The following FGD5 variants were observed in gnomAD, a reference collection of about 807,000 sequenced individuals.
The protein encoded by FGD5 is FYVE, RhoGEF and PH domain containing 5, also known as FYVE, RhoGEF and PH domain-containing protein 5.
Under a neutral mutation model 133.4 loss-of-function variants are expected in FGD5, and 28 were observed. The observed-to-expected ratio is 0.21, with a 90% CI of 0.16 to 0.29. The LOEUF is 0.29. FGD5 is among the 10% of genes least tolerant of loss of function. The pLI, the probability that FGD5 is intolerant of heterozygous loss-of-function variation, is 1.00. For missense variants in FGD5, 1,858 were observed against 1,895.2 expected, an observed-to-expected ratio of 0.98 and a Z score of 0.36; for synonymous variants, 810 against 776.5, an observed-to-expected ratio of 1.04 and a Z score of -0.72.
chr3:14,839,042 A>G (rs2036867976), intron 1 of FGD5, among the ~76,000 whole-genome samples: 1 of 152,246 alleles, frequency 6.6e-6, no homozygotes, highest in South Asian at 2.1e-4. Context: ...GAAATGCAGC[A>G]GAAGGGATCT....
intron 2 of FGD5, 22 bp from the exon 3 acceptor site, chr3:14,880,550 A>C: frequency 2.5e-6 from 4 of 1,612,362 alleles, no homozygotes; most frequent in Non-Finnish European, 3.4e-6. Flanking sequence ...GTCCCACCTG[A>C]TTGCTCTCTT....
intron 4 of FGD5, among the ~76,000 whole-genome samples, chr3:14,896,008 A>C (rs958421028): frequency 3.9e-5 from 6 of 152,226 alleles, no homozygotes; most frequent in Non-Finnish European, 5.9e-5. Context: ...TCTAAAAAAG[A>C]AATCAAGAAA....
At chr3:14,872,757 A>C (rs560963649) in intron 2 of FGD5, among the ~76,000 whole-genome samples, 2 of 152,364 alleles carry the variant, frequency 1.3e-5, no homozygotes, top group South Asian at 4.1e-4. Context: ...AGCCAGAGCC[A>C]GTCCATGGTG....
chr3:14,820,675 G>A lies in FGD5; in HGVS notation c.1604G>A (p.Arg535Lys). The change falls in exon 1 of 20, where the codon AGG becomes AAG. Residue 535 changes from arginine to lysine, a missense_variant. Arg to Lys is a conservative substitution (Grantham distance 26). This residue lies in a region of FGD5 where 1,824 missense variants were observed against 1,848.9 expected (regional missense o/e 0.99). Transcript: ENST00000285046. ...GAGGGGAAGCCCTTGGAAGCCAGCA[G>A]GGCCTTGCCAGCAAAGCCCAGGGCC... ...SLEGKPLEAS[R>K]ALPAKPRAFT... 1 of 1,593,822 alleles carries A rather than the reference G, an allele frequency of 6.3e-7. No individual in the cohort carries two copies. Among genetic ancestry groups the A allele is most frequent in the South Asian group, 1.1e-5 (1 of 87,354 alleles).
chr3:14,877,521 C>T (rs1039153913), intron 2 of FGD5, among the ~76,000 whole-genome samples: 7 of 152,234 alleles, frequency 4.6e-5, no homozygotes, highest in African/African-American at 7.2e-5. Context: ...AGGATAGGAA[C>T]GCCCACCTGT....
intron 1 of FGD5, chr3:14,810,886 C>A (rs1226079887): frequency 3.9e-5 from 38 of 985,192 alleles, no homozygotes; most frequent in Non-Finnish European, 4.2e-5. Context: ...CGGCGACCTC[C>A]GGCGCCGAGG....
chr3:14,883,715 A>G (rs1263531519), intron 4 of FGD5, among the ~76,000 whole-genome samples: 1 of 152,256 alleles, frequency 6.6e-6, no homozygotes, highest in Non-Finnish European at 1.5e-5. Flanking sequence ...TTCCTTTTGC[A>G]GGGAGAGAGG....
chr3:14,840,333 C>T (rs1484755353), intron 1 of FGD5, among the ~76,000 whole-genome samples: 3 of 151,944 alleles, frequency 2.0e-5, no homozygotes, highest in Admixed American at 6.6e-5. Context: ...TTAGTAGAGA[C>T]GGGGTTTCAC....
At chr3:14,929,921 G>C (rs77114510) in intron 18 of FGD5, among the ~76,000 whole-genome samples, 15,894 of 152,162 alleles carry the variant, frequency 0.1, 1,012 homozygotes, top group East Asian at 0.18. Flanking sequence ...GTGTGCTAAG[G>C]CATTTTTGTC....
At chr3:14,920,384 T>TG (rs1056288547) in intron 13 of FGD5, 1 of 152,090 alleles carries the variant, frequency 6.6e-6, no homozygotes, top group Non-Finnish European at 1.5e-5. Flanking sequence ...AGGTGGGGCA[T>TG]GGTGGCTTAT....
At chr3:14,881,843 C>T (rs916003674) in intron 4 of FGD5, among the ~76,000 whole-genome samples, 9 of 152,344 alleles carry the variant, frequency 5.9e-5, no homozygotes, top group African/African-American at 2.2e-4. Context: ...CCCTCGCATT[C>T]ACTGGGTGTT....
intron 18 of FGD5, 160 bp from the exon 19 acceptor site, chr3:14,932,417 G>C (rs1294021148): frequency 4.0e-6 from 3 of 742,572 alleles, no homozygotes; most frequent in South Asian, 4.4e-5. Context: ...GGCTGGCTCT[G>C]GGGGGAAGCG....
chr3:14,864,177 A>G lies in FGD5; in HGVS notation c.2575A>G (p.Lys859Glu), dbSNP rs1197146648. 4.3e-6 allele frequency: 7 copies of G among 1,613,958 alleles called. No individual in the cohort carries two copies. In the South Asian group the frequency reaches 7.7e-5, roughly 18 times the overall value. Residue 859 changes from lysine (K) to glutamate (E), a missense_variant, in exon 2 of 20, where the codon AAA becomes GAA. Lys to Glu is a moderately conservative substitution (Grantham distance 56). Around this residue, in one of 3 missense-constraint regions of FGD5, gnomAD observed 1,824 missense variants for 1,848.9 expected, o/e 0.99. Transcript: ENST00000285046. ...KVCPISSAAP[K>E]EDLTSDEEQR... The stretch of plus-strand genomic sequence containing the variant: ...CTGTCCCATCTCGTCGGCAGCCCCC[A>G]AAGAGGACCTTACGTCGGATGAAGA...
rs777422604 is a variant in FGD5 at position 14,820,352 on chromosome 3, C to T, written c.1281C>T (p.Ala427=). 4 of 1,612,942 alleles carry T rather than the reference C, an allele frequency of 2.5e-6. No individual in the cohort carries two copies. The African/African-American group carries it at 5.3e-5, about 22-fold the overall frequency. ...AGGAGGCCTTGGATGATGCACTGGC[C>T]AACCCCTATGTGATGGGAGTGGGCC... ...LEEEALDDAL[A]NPYVMGVGLP... The change falls in exon 1 of 20, where the codon GCC becomes GCT. Residue 427 remains alanine (A), a synonymous_variant. Transcript: ENST00000285046.
At chr3:14,850,229 C>G (rs1294638939) in intron 1 of FGD5, among the ~76,000 whole-genome samples, 1 of 152,202 alleles carries the variant, frequency 6.6e-6, no homozygotes, top group Non-Finnish European at 1.5e-5. Flanking sequence ...TCAGGACCCA[C>G]AACTGTAGAG....
chr3:14,844,855 T>C (rs3887276), intron 1 of FGD5, among the ~76,000 whole-genome samples: 35,033 of 152,158 alleles, frequency 0.23, 5,088 homozygotes, highest in Non-Finnish European at 0.34. Flanking sequence ...TCAAATCTTT[T>C]TTGTTCCTGG....
At chr3:14,907,119 T>C (rs538365246) in intron 9 of FGD5, among the ~76,000 whole-genome samples, 2 of 152,326 alleles carry the variant, frequency 1.3e-5, no homozygotes, top group Non-Finnish European at 1.5e-5. Flanking sequence ...TGGGCGCTTG[T>C]TGTATCTAGG....
In FGD5 at chr3:14,903,477, A is replaced by T. The variant is rs1022809676; in HGVS notation, c.3264+2416A>T. ...ACTAACTCGTCATCTAGCATTAGGT[A>T]TATCTCCCAGTGCTATCCCTCCCCC... On this transcript the variant is annotated intron_variant, in intron 9 of 19. Coordinates refer to ENST00000285046, the MANE Select transcript of FGD5 (RefSeq NM_152536.4). Among the ~76,000 whole-genome samples the T allele has an allele frequency of 2.1e-3, 308 of 148,760 alleles. 1 individual carries two copies. The highest frequency in any genetic ancestry group is 7.1e-3 in the African/African-American group (287 of 40,700).
chr3:14,920,535 C>G (rs1181267408), intron 13 of FGD5: 2 of 152,090 alleles, frequency 1.3e-5, no homozygotes, highest in Non-Finnish European at 2.9e-5. Context: ...ACCTCAGTGC[C>G]AGGTCTGGCA....
Sources: allele counts gnomAD v4.1 joint callset (sites outside exome capture counted in the v4.1 genomes callset), GRCh38; gene constraint gnomAD v4.1.1; regional missense constraint gnomAD v4.1.1; transcripts MANE v1.5; gene names NCBI Gene and HGNC (gene_info 2026-07-23, HGNC 2026-07-21).